Variants in CDC42SE2 observed in about 807,000 individuals in gnomAD.
The protein encoded by CDC42SE2 is CDC42 small effector protein 2.
A neutral mutation model predicts 11.5 loss-of-function variants in CDC42SE2; 3 were observed. The observed-to-expected ratio is 0.26, with a 90% CI of 0.12 to 0.67. The LOEUF is 0.67. CDC42SE2 is among the 30% of genes least tolerant of loss of function. The pLI, the probability that CDC42SE2 is intolerant of heterozygous loss-of-function variation, is 0.80. For missense variants in CDC42SE2, 82 were observed against 106.8 expected, an observed-to-expected ratio of 0.77 and a Z score of 1.02; for synonymous variants, 33 against 34.8, an observed-to-expected ratio of 0.95 and a Z score of 0.18.
intron 1 of CDC42SE2, among the ~76,000 whole-genome samples, chr5:131,265,616 G>A (rs1756843725): frequency 6.6e-6 from 1 of 152,200 alleles, no homozygotes; most frequent in Non-Finnish European, 1.5e-5. Flanking sequence ...AGTGGTGACT[G>A]TCTTAAACCC....
At chr5:131,347,555 A>T (rs1257370953) in intron 2 of CDC42SE2, among the ~76,000 whole-genome samples, 1 of 152,322 alleles carries the variant, frequency 6.6e-6, no homozygotes, top group East Asian at 1.9e-4. Flanking sequence ...TTCACAGCCG[A>T]ATTCTACCAG....
chr5:131,250,663 G>T (rs942477614), intron 1 of CDC42SE2, among the ~76,000 whole-genome samples: 1 of 152,078 alleles, frequency 6.6e-6, no homozygotes, highest in African/African-American at 2.4e-5. Flanking sequence ...ATGATACTAT[G>T]TCATTACACA....
At chr5:131,266,733 C>T (rs946052670) in intron 1 of CDC42SE2, among the ~76,000 whole-genome samples, 1 of 151,710 alleles carries the variant, frequency 6.6e-6, no homozygotes, top group African/African-American at 2.4e-5. Flanking sequence ...GTGCTGTTAG[C>T]TTTTTATTGT....
intron 3 of CDC42SE2, among the ~76,000 whole-genome samples, chr5:131,381,090 T>C (rs1181829635): frequency 2.6e-5 from 4 of 152,198 alleles, no homozygotes; most frequent in African/African-American, 4.8e-5. Context: ...TTTTTGGCCT[T>C]CTTTGATGGC....
intron 1 of CDC42SE2, among the ~76,000 whole-genome samples, chr5:131,274,979 A>G (rs781591462): frequency 6.6e-6 from 1 of 152,154 alleles, no homozygotes. Context: ...TTTGAATTTC[A>G]CCTAAAACCA....
the CDC42SE2 span, among the ~76,000 whole-genome samples, chr5:131,210,514 A>G: frequency 6.6e-6 from 1 of 152,048 alleles, no homozygotes; most frequent in South Asian, 2.1e-4. Context: ...CTTCACCCTT[A>G]CTCCTGAATA....
At chr5:131,327,310 C>G (rs866181894) in intron 2 of CDC42SE2, among the ~76,000 whole-genome samples, 1 of 152,154 alleles carries the variant, frequency 6.6e-6, no homozygotes, top group Admixed American at 6.5e-5. Flanking sequence ...TAATGTGTCT[C>G]CTGACTCCCC....
Position 131,324,149 on chromosome 5 carries a change from A to T in CDC42SE2, c.-286+8005A>T, listed in dbSNP as rs747555510. Among the ~76,000 whole-genome samples the T allele has an allele frequency of 9.9e-5, 15 of 152,094 alleles. No individual in the cohort carries two copies. The South Asian group carries it at 1.2e-3, about 13-fold the overall frequency. On this transcript the variant is annotated intron_variant, in intron 2 of 4. Coordinates refer to ENST00000505065, the MANE Select transcript of CDC42SE2 (RefSeq NM_001375635.1). ...TACCTATTTTTTCTTCCAAGTATTT[A>T]TTCTTTAGAAGTATTATTTCTAAAA...
intron 2 of CDC42SE2, among the ~76,000 whole-genome samples, chr5:131,339,270 A>G (rs1758652075): frequency 6.6e-6 from 1 of 150,856 alleles, no homozygotes; most frequent in African/African-American, 2.4e-5. Flanking sequence ...AAAAAAAAAA[A>G]AAGAATGCTT....
intron 2 of CDC42SE2, among the ~76,000 whole-genome samples, chr5:131,335,419 G>A (rs1433112140): frequency 6.6e-6 from 1 of 152,162 alleles, no homozygotes; most frequent in Non-Finnish European, 1.5e-5. Flanking sequence ...GGTGTGGTGT[G>A]GTGCTGAGAA....
chr5:131,357,637 A>G (rs1032395704), intron 2 of CDC42SE2, among the ~76,000 whole-genome samples: 10 of 152,238 alleles, frequency 6.6e-5, no homozygotes, highest in African/African-American at 2.4e-4. Context: ...ATTTGGGACA[A>G]AAATGTTAAC....
chr5:131,287,637 TTTTTTTTGCA>T (rs992238311), intron 1 of CDC42SE2, among the ~76,000 whole-genome samples: 1 of 151,504 alleles, frequency 6.6e-6, no homozygotes, highest in African/African-American at 2.4e-5. Context: ...TTTTTTTTCT[TTTTTTTTGCA>T]TTTTTTTGTA....
At chr5:131,272,818 C>G (rs1001772726) in intron 1 of CDC42SE2, among the ~76,000 whole-genome samples, 2 of 152,186 alleles carry the variant, frequency 1.3e-5, no homozygotes, top group African/African-American at 4.8e-5. Flanking sequence ...CTCTTTCATT[C>G]TACCATAACA....
At chr5:131,349,453 A>G (rs1411479366) in intron 2 of CDC42SE2, among the ~76,000 whole-genome samples, 3 of 152,218 alleles carry the variant, frequency 2.0e-5, no homozygotes, top group African/African-American at 7.2e-5. Flanking sequence ...AGAAACCTGC[A>G]CGTTGTGCTC....
At chr5:131,388,515 A>G (rs182297380) in intron 4 of CDC42SE2, among the ~76,000 whole-genome samples, 1 of 152,314 alleles carries the variant, frequency 6.6e-6, no homozygotes, top group African/African-American at 2.4e-5. Context: ...TGGTTAGATG[A>G]CTTGTAATTT....
chr5:131,279,573 T>C (rs1359498516), intron 1 of CDC42SE2, among the ~76,000 whole-genome samples: 2 of 151,964 alleles, frequency 1.3e-5, no homozygotes, highest in African/African-American at 4.8e-5. Context: ...TAATTTACTT[T>C]CTTCTACTCT....
intron 1 of CDC42SE2, among the ~76,000 whole-genome samples, chr5:131,269,721 G>C (rs968039705): frequency 6.7e-6 from 1 of 148,360 alleles, no homozygotes; most frequent in African/African-American, 2.5e-5. Flanking sequence ...CCGAGATTGC[G>C]CCACTGCACT....
At chr5:131,269,351 G>GTACCTTT (rs1166612004) in intron 1 of CDC42SE2, among the ~76,000 whole-genome samples, 2 of 152,020 alleles carry the variant, frequency 1.3e-5, no homozygotes, top group Admixed American at 1.3e-4. Context: ...TTAAATCTAG[G>GTACCTTT]TACCTTTGAA....
intron 1 of CDC42SE2, among the ~76,000 whole-genome samples, chr5:131,276,964 T>A (rs1157833870): frequency 6.6e-6 from 1 of 152,138 alleles, no homozygotes; most frequent in Non-Finnish European, 1.5e-5. Flanking sequence ...GGTCTTGAAC[T>A]CCTGACCTCA....
Sources: gnomAD v4.1 joint callset for allele counts (sites outside exome capture counted in the v4.1 genomes callset) on GRCh38, gnomAD v4.1.1 for gene constraint, MANE v1.5 for transcripts, NCBI Gene and HGNC (gene_info 2026-07-23, HGNC 2026-07-21) for gene names.